The following CLIP4 variants were observed in gnomAD, a reference collection of about 807,000 sequenced individuals.
CLIP4 encodes CAP-Gly domain containing linker protein family member 4.
In CLIP4, 47 loss-of-function variants were observed where a neutral mutation model predicts 73.1. The ratio of observed to expected loss-of-function variants is 0.64; its 90% CI spans 0.51 to 0.82. The LOEUF is 0.82. Among genes scored for constraint, CLIP4 ranks in the 40% least tolerant of loss-of-function variants. The pLI, the probability that CLIP4 is intolerant of heterozygous loss-of-function variation, is 0.00. For missense variants in CLIP4, 874 were observed against 852.9 expected (o/e 1.02, Z -0.31); for synonymous variants, 306 against 295.4 (o/e 1.04, Z -0.37).
At position 29,163,864 on chromosome 2, in the gene CLIP4, A is replaced by G. The variant is rs1416399667; in HGVS notation, c.1568A>G (p.His523Arg). 5 of 1,613,664 alleles carry G rather than the reference A, an allele frequency of 3.1e-6. No homozygotes were observed. The Admixed American group carries it at 5.0e-5, about 16-fold the overall frequency. ...YWYGIELEKP[H>R]GKNDGSVGGV... is the part of the protein sequence containing the mutation. Reference sequence around the variant, plus strand: ...TATGGTATAGAGCTTGAAAAACCCCATGGCAAGAATGATGGTTCAGTTGGA... The same window carrying G: ...TATGGTATAGAGCTTGAAAAACCCCGTGGCAAGAATGATGGTTCAGTTGGA... Residue 523 changes from histidine to arginine, a missense_variant, in exon 13 of 16, where the codon CAT becomes CGT. Physicochemically the swap from His to Arg is conservative, Grantham distance 29 (BLOSUM62 0). Transcript: ENST00000320081.
rs141417199 is a variant in CLIP4 at position 29,119,012 on chromosome 2, A to C, written c.-15-2362A>C. Among the ~76,000 whole-genome samples the C allele has an allele frequency of 3.9e-5, 6 of 152,220 alleles. No individual in the cohort carries two copies. The South Asian group carries it at 6.2e-4, about 16-fold the overall frequency. On this transcript the variant is annotated intron_variant, in intron 1 of 15. Coordinates refer to ENST00000320081, the MANE Select transcript of CLIP4 (RefSeq NM_024692.6). ...GCTTTTAGGAAATGAATCTGAGACT[A>C]TAAGGAAGTTTATAGGGGTACATAG... is the stretch of plus-strand genomic sequence containing the variant.
intron 5 of CLIP4, among the ~76,000 whole-genome samples, chr2:29,134,265 G>T (rs75066130): frequency 2.5e-3 from 374 of 151,992 alleles, no homozygotes; most frequent in African/African-American, 8.5e-3. Flanking sequence ...TCCCTGTTTT[G>T]ATGGTGATAT....
At chr2:29,101,966 A>T (rs2148431291) in intron 1 of CLIP4, among the ~76,000 whole-genome samples, 1 of 152,294 alleles carries the variant, frequency 6.6e-6, no homozygotes, top group South Asian at 2.1e-4. Flanking sequence ...TTGTGTGTGC[A>T]CATAGGAGGA....
chr2:29,177,035 C>A (rs1425489231), intron 15 of CLIP4, among the ~76,000 whole-genome samples: 1 of 152,112 alleles, frequency 6.6e-6, no homozygotes, highest in East Asian at 1.9e-4. Context: ...CTTGTGTTTC[C>A]CTGACTTTTT....
chr2:29,148,313 TTTGGCTTG>T (rs1281736318), intron 8 of CLIP4, among the ~76,000 whole-genome samples: 1 of 152,232 alleles, frequency 6.6e-6, no homozygotes, highest in East Asian at 1.9e-4. Context: ...ATCTTTTCCC[TTTGGCTTG>T]TTGTGCTGCT....
chr2:29,172,203 C>T (rs895190942), intron 14 of CLIP4, among the ~76,000 whole-genome samples: 4 of 151,864 alleles, frequency 2.6e-5, no homozygotes, highest in African/African-American at 4.8e-5. Context: ...TTTATTTCTC[C>T]TATAAATTTG....
At chr2:29,118,364 A>G (rs562836982) in intron 1 of CLIP4, 2 of 152,346 alleles carry the variant, frequency 1.3e-5, no homozygotes, top group Non-Finnish European at 2.9e-5. Flanking sequence ...ATCACAAGGT[A>G]TTTGAGCCAC....
At chr2:29,144,955 A>G (rs185465469) in intron 7 of CLIP4, among the ~76,000 whole-genome samples, 1 of 151,750 alleles carries the variant, frequency 6.6e-6, no homozygotes, top group African/African-American at 2.4e-5. Flanking sequence ...GGTGTGTGCT[A>G]CTATCCAGCT....
At chr2:29,160,566 G>A (rs1337185856) in intron 12 of CLIP4, 99 bp downstream of exon 12, 6 of 1,406,400 alleles carry the variant, frequency 4.3e-6, no homozygotes, top group Non-Finnish European at 5.8e-6. Context: ...AAATCTTGAT[G>A]AACAGTTTTT....
At chr2:29,166,256 T>C (rs1667607958) in intron 13 of CLIP4, among the ~76,000 whole-genome samples, 1 of 152,050 alleles carries the variant, frequency 6.6e-6, no homozygotes, top group South Asian at 2.1e-4. Flanking sequence ...CTTAATAAGG[T>C]AGTGTCCAGT....
In CLIP4 at chr2:29,152,771, CCT is replaced by C; in HGVS notation, c.1112_1113del (p.Leu371HisfsTer7). The C allele has an allele frequency of 1.2e-6, 2 of 1,613,798 alleles. No individual in the cohort carries two copies. The highest frequency in any genetic ancestry group is 1.7e-6 in the Non-Finnish European group (2 of 1,179,816). ...CACTCCTTCTACAAAAGCTGCTGTA[CCT>C]CTCATCAGGTCCCAGAAAATTGACG... Reference protein sequence around the residue: ...THTPSTKAAVPLIRSQKIDVA... With the variant: ...THTPSTKAAVXLIRSQKIDVA... On this transcript the variant is annotated frameshift_variant, in exon 9 of 16. Coordinates refer to ENST00000320081, the MANE Select transcript of CLIP4 (RefSeq NM_024692.6). LOFTEE classifies it high-confidence loss of function.
intron 6 of CLIP4, among the ~76,000 whole-genome samples, chr2:29,139,531 T>G (rs1340753935): frequency 6.6e-6 from 1 of 152,112 alleles, no homozygotes; most frequent in Non-Finnish European, 1.5e-5. Context: ...CTCCTTGGTT[T>G]TTTCATATCA....
chr2:29,145,567 G>C (rs1025705807), intron 8 of CLIP4, among the ~76,000 whole-genome samples, 200 bp downstream of exon 8: 1 of 152,150 alleles, frequency 6.6e-6, no homozygotes, highest in Non-Finnish European at 1.5e-5. Context: ...AGGGAGAAAT[G>C]GTGGTTGCAG....
intron 9 of CLIP4, 100 bp from the exon 10 acceptor site, chr2:29,156,250 AAGTG>A (rs1431985942): frequency 7.2e-6 from 5 of 697,418 alleles, no homozygotes; most frequent in Admixed American, 7.2e-5. Context: ...ATGTTTTCAG[AAGTG>A]AGTGAGATTT....
intron 6 of CLIP4, among the ~76,000 whole-genome samples, chr2:29,142,971 T>G (rs1665877628): frequency 1.3e-5 from 2 of 152,176 alleles, no homozygotes; most frequent in Admixed American, 1.3e-4. Context: ...CAGGATACAG[T>G]CTTTCTGTCA....
intron 8 of CLIP4, among the ~76,000 whole-genome samples, chr2:29,147,872 A>G (rs2148009204): frequency 6.6e-6 from 1 of 152,234 alleles, no homozygotes; most frequent in African/African-American, 2.4e-5. Context: ...TTATTTGGTT[A>G]GTAGTTTGAG....
At chr2:29,129,202 T>C (rs943086806) in intron 2 of CLIP4, among the ~76,000 whole-genome samples, 2 of 152,204 alleles carry the variant, frequency 1.3e-5, no homozygotes, top group Non-Finnish European at 2.9e-5. Context: ...ATTTGACTAG[T>C]AGACCTACAT....
chr2:29,115,232 G>A (rs1187562202), upstream of CLIP4: 1 of 152,232 alleles, frequency 6.6e-6, no homozygotes, highest in Non-Finnish European at 1.5e-5. This position sits in a 1 kb window ranked among gnomAD's most constrained non-coding sequence, Gnocchi z 5.1. Context: ...GGGCTGTGAA[G>A]GCGGTGGGCA....
chr2:29,137,007 T>C (rs1021727862), intron 6 of CLIP4, among the ~76,000 whole-genome samples: 5 of 152,156 alleles, frequency 3.3e-5, no homozygotes, highest in Admixed American at 2.6e-4. Context: ...GACCATACTT[T>C]GATAGCCGCC....
Sources: gnomAD v4.1 joint callset for allele counts (sites outside exome capture counted in the v4.1 genomes callset) on GRCh38, gnomAD v4.1.1 for gene constraint, Gnocchi (gnomAD v3.1) non-coding constraint, MANE v1.5 for transcripts, NCBI Gene and HGNC (gene_info 2026-07-23, HGNC 2026-07-21) for gene names.